The following LRP1B variants were observed in gnomAD, a reference collection of about 807,000 sequenced individuals.
The protein encoded by LRP1B is low-density lipoprotein receptor-related protein 1B.
A neutral mutation model predicts 556.6 loss-of-function variants in LRP1B; 217 were observed. The observed-to-expected ratio is 0.39, with a 90% CI of 0.35 to 0.44. The LOEUF (loss-of-function observed/expected upper bound fraction) is 0.44. Among genes scored for constraint, LRP1B ranks in the 20% least tolerant of loss-of-function variants. The probability of loss-of-function intolerance (pLI) is 1.00; values close to 1 mark genes in which losing one functional copy is unlikely to be tolerated. For synonymous variants in LRP1B, 2,047 were observed against 1,865.8 expected (o/e 1.10, Z -2.50); for missense variants, 5,053 against 5,620.8 (o/e 0.90, Z 3.23).
chr2:141,597,921 G>T (rs568172630), intron 2 of LRP1B, among the ~76,000 whole-genome samples: 7 of 151,930 alleles, frequency 4.6e-5, no homozygotes, highest in African/African-American at 1.4e-4. Flanking sequence ...GGGATAAAAA[G>T]ACTCTGTAAA....
intron 3 of LRP1B, among the ~76,000 whole-genome samples, chr2:141,394,208 A>AT (rs1160415632): frequency 6.6e-6 from 1 of 152,136 alleles, no homozygotes; most frequent in Non-Finnish European, 1.5e-5. Context: ...ATAAAGTTCA[A>AT]TTTTTACTTT....
At chr2:140,668,112 A>T (rs901680686) in intron 41 of LRP1B, among the ~76,000 whole-genome samples, 1 of 152,038 alleles carries the variant, frequency 6.6e-6, no homozygotes. Context: ...GGAGATCGAG[A>T]CCACCCTGGC....
intron 41 of LRP1B, among the ~76,000 whole-genome samples, chr2:140,620,091 A>C (rs898912605): frequency 1.3e-5 from 2 of 152,102 alleles, no homozygotes; most frequent in Non-Finnish European, 2.9e-5. Flanking sequence ...CATTGAAGTA[A>C]ATTATATTTT....
intron 43 of LRP1B, among the ~76,000 whole-genome samples, chr2:140,588,133 A>C (rs146609032): frequency 1.3e-5 from 2 of 152,176 alleles, no homozygotes; most frequent in Non-Finnish European, 2.9e-5. Context: ...GCCTGTGAAC[A>C]TCAAGAAAAA....
chr2:141,292,048 G>T lies in LRP1B; in HGVS notation c.344-37407C>A, dbSNP rs531772615. Among the ~76,000 whole-genome samples, 4 of 152,266 alleles carry T rather than the reference G, an allele frequency of 2.6e-5. No homozygotes were observed. In the East Asian group the frequency reaches 7.7e-4, roughly 29 times the overall value. ...GGAACGAGGCTGCGCAGCAGCAGGTGAGCATGGGTGAGGTAGCATTACTGT... is the reference window on the plus strand; with the variant it reads ...GGAACGAGGCTGCGCAGCAGCAGGTTAGCATGGGTGAGGTAGCATTACTGT... On this transcript the variant is annotated intron_variant, in intron 3 of 90. Coordinates refer to ENST00000389484, the MANE Select transcript of LRP1B (RefSeq NM_018557.3).
intron 41 of LRP1B, among the ~76,000 whole-genome samples, chr2:140,631,965 A>G (rs1204014702): frequency 1.3e-5 from 2 of 151,816 alleles, no homozygotes; most frequent in Non-Finnish European, 1.5e-5. Flanking sequence ...ACTTCTCATT[A>G]GAAACCAAAC....
At chr2:141,571,689 G>T (rs766827053) in intron 2 of LRP1B, among the ~76,000 whole-genome samples, 3 of 129,570 alleles carry the variant, frequency 2.3e-5, no homozygotes, top group Non-Finnish European at 3.6e-5. Flanking sequence ...CTTGACAAAA[G>T]GTTAGAGGAA....
intron 2 of LRP1B, among the ~76,000 whole-genome samples, chr2:141,644,442 C>G (rs1689473226): frequency 1.3e-5 from 2 of 152,042 alleles, no homozygotes; most frequent in Non-Finnish European, 2.9e-5. Flanking sequence ...GTCCATCAAA[C>G]CTCTTTCTTT....
intron 2 of LRP1B, among the ~76,000 whole-genome samples, chr2:141,806,337 T>C (rs1453906058): frequency 2.6e-5 from 4 of 152,070 alleles, no homozygotes; most frequent in Admixed American, 1.3e-4. Flanking sequence ...AGTAGAAAGA[T>C]GGTGATTTCC....
At chr2:140,429,369 T>A (rs536169152) in intron 66 of LRP1B, among the ~76,000 whole-genome samples, 1 of 152,186 alleles carries the variant, frequency 6.6e-6, no homozygotes, top group Non-Finnish European at 1.5e-5. Flanking sequence ...CACAATCCAT[T>A]ATTCTGTTCT....
chr2:141,478,043 A>C (rs13007713), intron 3 of LRP1B, among the ~76,000 whole-genome samples: 1 of 151,932 alleles, frequency 6.6e-6, no homozygotes, highest in Admixed American at 6.5e-5. Context: ...CAGAAAAAAA[A>C]GAATGGAGCA....
At position 141,278,559 on chromosome 2, in the gene LRP1B, G is replaced by A. The variant is rs551071337; in HGVS notation, c.344-23918C>T. On this transcript the variant is annotated intron_variant, in intron 3 of 90. Transcript: ENST00000389484. ...AGTGAATTTCCTAAGGCTATAATCC[G>A]ACTCTTAGGAAGAAAGATTAGTGTA... Among the ~76,000 whole-genome samples, 20 of 152,192 alleles carry A rather than the reference G, an allele frequency of 1.3e-4. No homozygotes were observed. The East Asian group carries it at 1.5e-3, about 12-fold the overall frequency.
At chr2:142,049,746 C>T (rs1014911661) in intron 1 of LRP1B, among the ~76,000 whole-genome samples, 1 of 152,104 alleles carries the variant, frequency 6.6e-6, no homozygotes, top group Non-Finnish European at 1.5e-5. Context: ...GCACAGGCAA[C>T]AGCCATTTAT....
Position 141,511,694 on chromosome 2 carries a change from C to T in LRP1B, c.206-31161G>A, listed in dbSNP as rs560267507. Among the ~76,000 whole-genome samples, 66 of 152,268 alleles carry T rather than the reference C, an allele frequency of 4.3e-4. 1 individual carries two copies. The highest frequency in any genetic ancestry group is 8.1e-4 in the Non-Finnish European group (55 of 68,012). ...GTGCTTGCTCAGTGCGTAAACTACT[C>T]GCAGACTCTCCACTGTGGCCTAACA... On this transcript the variant is annotated intron_variant, in intron 2 of 90. Coordinates refer to ENST00000389484, the MANE Select transcript of LRP1B (RefSeq NM_018557.3).
intron 1 of LRP1B, among the ~76,000 whole-genome samples, chr2:142,069,972 C>T (rs1057004508): frequency 6.6e-6 from 1 of 151,638 alleles, no homozygotes; most frequent in Non-Finnish European, 1.5e-5. Context: ...GCCTAGTAGT[C>T]TGGAGTTATT....
rs559024536 is a variant in LRP1B at position 141,583,562 on chromosome 2, A to C, written c.206-103029T>G. On this transcript the variant is annotated intron_variant, in intron 2 of 90. Transcript: ENST00000389484. ...AAGAATACTGTTATCAATGAAGTTG[A>C]CTCTGATAAATTCTTACCTAAAAAC... Among the ~76,000 whole-genome samples, 3 of 151,972 alleles carry C rather than the reference A, an allele frequency of 2.0e-5. No individual in the cohort carries two copies. In the South Asian group the frequency reaches 6.2e-4, roughly 32 times the overall value.
rs762394062 is a variant in LRP1B, at chr2:140,850,301, T to G, written c.4740A>C (p.Arg1580Ser). Residue 1580 changes from arginine to serine, a missense_variant, in exon 29 of 91, where the codon AGA becomes AGC. By Grantham distance (110) the Arg-to-Ser change is moderately radical. This residue lies in a region of LRP1B where 3,619 missense variants were observed against 3,931.9 expected (regional missense o/e 0.92). Coordinates refer to ENST00000389484, the MANE Select transcript of LRP1B (RefSeq NM_018557.3). ...YEMKKFLLYA[R>S]RSEIRGVDID... ...TATCCACTCCTCTGATTTCAGAACG[T>G]CTTGCATAAAGAAGAAATTTTTTCA... The G allele has an allele frequency of 1.7e-5, 28 of 1,604,874 alleles. No homozygotes were observed. The highest frequency in any genetic ancestry group is 2.3e-5 in the Non-Finnish European group (27 of 1,175,838).
intron 3 of LRP1B, among the ~76,000 whole-genome samples, chr2:141,442,611 G>A (rs1288113689): frequency 1.3e-5 from 2 of 151,952 alleles, no homozygotes; most frequent in Non-Finnish European, 2.9e-5. Flanking sequence ...CCCAGTGTGT[G>A]ATGTTCCCCT....
intron 9 of LRP1B, among the ~76,000 whole-genome samples, chr2:141,056,025 T>C (rs1473793069): frequency 1.3e-5 from 2 of 151,914 alleles, no homozygotes; most frequent in African/African-American, 2.4e-5. Context: ...CATATTATTG[T>C]AATTATGTTT....
Sources: allele counts gnomAD v4.1 joint callset (sites outside exome capture counted in the v4.1 genomes callset), GRCh38; gene constraint gnomAD v4.1.1; regional missense constraint gnomAD v4.1.1; transcripts MANE v1.5; gene names NCBI Gene and HGNC (gene_info 2026-07-23, HGNC 2026-07-21).